GSK3B: variants seen among roughly 807,000 people sequenced by gnomAD.
GSK3B encodes the protein glycogen synthase kinase 3 beta.
A neutral mutation model predicts 56.4 loss-of-function variants in GSK3B; 15 were observed. The observed-to-expected ratio is 0.27, with a 90% CI of 0.18 to 0.41. The LOEUF (loss-of-function observed/expected upper bound fraction) is 0.41. Ranked by LOEUF, GSK3B falls within the 10% of genes least tolerant of loss-of-function variation. GSK3B has a pLI of 1.00. For synonymous variants in GSK3B, 181 were observed against 188.9 expected, an observed-to-expected ratio of 0.96 and a Z score of 0.34; for missense variants, 300 against 513.4, an observed-to-expected ratio of 0.58 and a Z score of 4.02.
intron 2 of GSK3B, among the ~76,000 whole-genome samples, chr3:119,978,933 G>A (rs188055356): frequency 3.9e-5 from 6 of 152,254 alleles, no homozygotes; most frequent in South Asian, 2.1e-4. Context: ...AGACGATTCC[G>A]GACTTCTGTC....
chr3:119,951,556 C>T (rs2057157575), intron 2 of GSK3B, among the ~76,000 whole-genome samples: 1 of 151,978 alleles, frequency 6.6e-6, no homozygotes, highest in Admixed American at 6.5e-5. Flanking sequence ...AGAAAACAAG[C>T]CAGAATCTGT....
intron 2 of GSK3B, among the ~76,000 whole-genome samples, chr3:119,999,354 C>T (rs545576294): frequency 3.3e-5 from 5 of 152,238 alleles, no homozygotes; most frequent in African/African-American, 9.6e-5. Context: ...TGTCTAGATT[C>T]GAATCCTTGC....
At chr3:120,010,710 C>G (rs2057771076) in intron 1 of GSK3B, among the ~76,000 whole-genome samples, 1 of 152,152 alleles carries the variant, frequency 6.6e-6, no homozygotes, top group African/African-American at 2.4e-5. Context: ...TGAGCCAAGA[C>G]TGCGCCACTG....
chr3:119,941,468 T>C (rs1189219703), intron 3 of GSK3B, among the ~76,000 whole-genome samples: 1 of 152,244 alleles, frequency 6.6e-6, no homozygotes, highest in East Asian at 1.9e-4. Flanking sequence ...GTCAGACTAC[T>C]TGGAGCTGAC....
At chr3:119,933,086 C>G (rs530878160) in intron 3 of GSK3B, among the ~76,000 whole-genome samples, 2 of 152,052 alleles carry the variant, frequency 1.3e-5, no homozygotes, top group Admixed American at 1.3e-4. Flanking sequence ...GCAAAACAAA[C>G]AAACAAAAAC....
At chr3:119,844,682 C>T (rs897916106) in intron 9 of GSK3B, among the ~76,000 whole-genome samples, 2 of 151,952 alleles carry the variant, frequency 1.3e-5, no homozygotes, top group Non-Finnish European at 2.9e-5. Context: ...AGCCTACCAA[C>T]AAAAAAAGCC....
At chr3:119,902,886 T>A (rs2056639111) in intron 7 of GSK3B, among the ~76,000 whole-genome samples, 1 of 152,002 alleles carries the variant, frequency 6.6e-6, no homozygotes, top group South Asian at 2.1e-4. Context: ...GGCTAATTTT[T>A]CTATTTTTTG....
At chr3:120,026,854 G>A (rs1342044850) in intron 1 of GSK3B, among the ~76,000 whole-genome samples, 2 of 151,086 alleles carry the variant, frequency 1.3e-5, no homozygotes, top group South Asian at 4.2e-4. Context: ...CACCGAGCCC[G>A]ACCCACGTTG....
At chr3:120,014,239 G>A (rs2057805112) in intron 1 of GSK3B, among the ~76,000 whole-genome samples, 1 of 151,906 alleles carries the variant, frequency 6.6e-6, no homozygotes, top group African/African-American at 2.4e-5. Context: ...GGGAGGCCAT[G>A]GCAGGCACCA....
chr3:119,972,503 T>C (rs1328427508), intron 2 of GSK3B, among the ~76,000 whole-genome samples: 2 of 152,236 alleles, frequency 1.3e-5, no homozygotes, highest in Non-Finnish European at 2.9e-5. Context: ...TGGTGCGATC[T>C]CGGCTCACTG....
chr3:120,073,886 AAAAC>A (rs1312838332), intron 1 of GSK3B, among the ~76,000 whole-genome samples: 1 of 152,242 alleles, frequency 6.6e-6, no homozygotes, highest in African/African-American at 2.4e-5. Flanking sequence ...GAAAAACAAT[AAAAC>A]AAAGAGTTGG....
At chr3:119,997,974 T>A (rs2057639915) in intron 2 of GSK3B, among the ~76,000 whole-genome samples, 1 of 152,022 alleles carries the variant, frequency 6.6e-6, no homozygotes, top group African/African-American at 2.4e-5. Flanking sequence ...TATGTGAAAA[T>A]AAAATTCCTA....
chr3:120,002,872 A>G (rs553285194), intron 1 of GSK3B, among the ~76,000 whole-genome samples: 1 of 152,320 alleles, frequency 6.6e-6, no homozygotes, highest in African/African-American at 2.4e-5. Context: ...TGAACCCATA[A>G]GAGTCTGACC....
chr3:119,831,600 T>C (rs984274872), intron 10 of GSK3B, among the ~76,000 whole-genome samples: 1 of 149,206 alleles, frequency 6.7e-6, no homozygotes, highest in Non-Finnish European at 1.5e-5. Flanking sequence ...GAGGTTGCAA[T>C]GAGCCGAAAT....
At chr3:120,088,342 T>C (rs2058483059) in intron 1 of GSK3B, among the ~76,000 whole-genome samples, 1 of 152,230 alleles carries the variant, frequency 6.6e-6, no homozygotes, top group South Asian at 2.1e-4. Flanking sequence ...GAATATTCCT[T>C]TTTTATATAA....
At chr3:119,943,754 A>C (rs2057072196) in intron 3 of GSK3B, among the ~76,000 whole-genome samples, 1 of 152,038 alleles carries the variant, frequency 6.6e-6, no homozygotes, top group East Asian at 1.9e-4. Flanking sequence ...AGGAAATAAG[A>C]GAGGGAGAGA....
intron 1 of GSK3B, among the ~76,000 whole-genome samples, chr3:120,004,463 C>G (rs1171472768): frequency 2.0e-5 from 3 of 152,198 alleles, no homozygotes; most frequent in Non-Finnish European, 4.4e-5. Flanking sequence ...AGACTGTTAT[C>G]CAAGTGGTTC....
At chr3:120,040,058 C>T (rs959402689) in intron 1 of GSK3B, among the ~76,000 whole-genome samples, 1 of 152,208 alleles carries the variant, frequency 6.6e-6, no homozygotes, top group East Asian at 1.9e-4. Flanking sequence ...AGGCCGGCAG[C>T]TCGGGGAAAG....
At chr3:119,954,300 AATAGAAAAGAAACAG>A (rs1379128066) in intron 2 of GSK3B, among the ~76,000 whole-genome samples, 2 of 113,532 alleles carry the variant, frequency 1.8e-5, no homozygotes, top group African/African-American at 3.4e-5. Flanking sequence ...AATAGAATAG[AATAGAAAAGAAACAG>A]AACAGAACAG....
Sources: allele counts gnomAD v4.1 joint callset (sites outside exome capture counted in the v4.1 genomes callset), GRCh38; gene constraint gnomAD v4.1.1; transcripts MANE v1.5; gene names NCBI Gene and HGNC (gene_info 2026-07-23, HGNC 2026-07-21).